Variants in LRRC4C observed in about 807,000 individuals in gnomAD.
The protein encoded by LRRC4C is leucine rich repeat containing 4C.
LRRC4C carries 5 observed loss-of-function variants against 33.6 expected under a neutral mutation model. The observed-to-expected ratio is 0.15, with a 90% CI of 0.08 to 0.31. The LOEUF (loss-of-function observed/expected upper bound fraction) is 0.31. Ranked by LOEUF, LRRC4C falls within the 10% of genes least tolerant of loss-of-function variation. The probability of loss-of-function intolerance (pLI) is 1.00; values close to 1 mark genes in which losing one functional copy is unlikely to be tolerated. For missense variants in LRRC4C, 560 were observed against 796.7 expected (o/e 0.70, Z 3.58); for synonymous variants, 329 against 302.0 (o/e 1.09, Z -0.93).
At chr11:40,724,360 A>T (rs145319261) in intron 2 of LRRC4C, among the ~76,000 whole-genome samples, 1 of 152,296 alleles carries the variant, frequency 6.6e-6, no homozygotes, top group East Asian at 1.9e-4. Flanking sequence ...GCTTGGTGAT[A>T]AAGCAAGTCT....
intron 1 of LRRC4C, among the ~76,000 whole-genome samples, chr11:41,121,641 T>C (rs193295368): frequency 6.6e-6 from 1 of 152,310 alleles, no homozygotes; most frequent in East Asian, 1.9e-4. Context: ...GTGTTTATAA[T>C]GAGGCTCTTC....
chr11:40,856,016 TA>T (rs1327338682), intron 2 of LRRC4C, among the ~76,000 whole-genome samples: 1 of 152,140 alleles, frequency 6.6e-6, no homozygotes, highest in African/African-American at 2.4e-5. Context: ...AGTTTTATCT[TA>T]ATTTTTTACT....
intron 3 of LRRC4C, among the ~76,000 whole-genome samples, chr11:40,571,489 A>G (rs1402595472): frequency 6.6e-6 from 1 of 152,126 alleles, no homozygotes; most frequent in African/African-American, 2.4e-5. Flanking sequence ...ATATAGCTGG[A>G]CAAGATAAGG....
intron 1 of LRRC4C, among the ~76,000 whole-genome samples, chr11:40,974,789 G>C (rs960404454): frequency 1.3e-5 from 2 of 152,138 alleles, no homozygotes; most frequent in African/African-American, 4.8e-5. Context: ...GGATAGAAGA[G>C]AAAAAGAGAG....
chr11:40,159,154 A>T (rs985677816), intron 5 of LRRC4C, among the ~76,000 whole-genome samples: 4 of 152,114 alleles, frequency 2.6e-5, no homozygotes, highest in African/African-American at 9.7e-5. Flanking sequence ...CAAAGAGTCT[A>T]AAATATTTCT....
chr11:40,699,212 A>G (rs555240942), intron 2 of LRRC4C, among the ~76,000 whole-genome samples: 1 of 152,196 alleles, frequency 6.6e-6, no homozygotes, highest in Admixed American at 6.5e-5. Flanking sequence ...ATTATAAGGA[A>G]TATGTAGCGA....
At chr11:40,710,007 C>T (rs115596045) in intron 2 of LRRC4C, among the ~76,000 whole-genome samples, 2,307 of 152,228 alleles carry the variant, frequency 0.015, 61 homozygotes, top group African/African-American at 0.053. Context: ...GCATGCATCA[C>T]GTACTTCCCA....
At chr11:40,604,327 C>T (rs1591250781) in intron 3 of LRRC4C, among the ~76,000 whole-genome samples, 1 of 152,122 alleles carries the variant, frequency 6.6e-6, no homozygotes, top group East Asian at 1.9e-4. Context: ...TTCTGTATTA[C>T]TTTAAATGAT....
chr11:40,642,231 C>G (rs1354445431), intron 3 of LRRC4C, among the ~76,000 whole-genome samples: 1 of 152,072 alleles, frequency 6.6e-6, no homozygotes, highest in Non-Finnish European at 1.5e-5. Flanking sequence ...TGATGTTTGT[C>G]TTTCTTCTGC....
intron 2 of LRRC4C, among the ~76,000 whole-genome samples, chr11:40,845,786 C>T (rs554233516): frequency 9.9e-5 from 15 of 152,178 alleles, no homozygotes; most frequent in African/African-American, 1.4e-4. Context: ...AACTAATTTA[C>T]GCTACCATCA....
At chr11:41,129,294 C>G (rs1021354676) in intron 1 of LRRC4C, among the ~76,000 whole-genome samples, 15 of 151,928 alleles carry the variant, frequency 9.9e-5, no homozygotes, top group Non-Finnish European at 5.9e-5. Flanking sequence ...TAAATGTTCT[C>G]TGGGCTACCA....
chr11:41,321,052 T>C (rs1404366893), intron 1 of LRRC4C, among the ~76,000 whole-genome samples: 1 of 152,228 alleles, frequency 6.6e-6, no homozygotes, highest in Non-Finnish European at 1.5e-5. Flanking sequence ...ATTTCCCTGC[T>C]TCTTCTTCTG....
At chr11:41,409,742 T>C (rs1017944206) in intron 1 of LRRC4C, among the ~76,000 whole-genome samples, 3 of 152,314 alleles carry the variant, frequency 2.0e-5, no homozygotes, top group Non-Finnish European at 4.4e-5. Context: ...AAGATTGCTC[T>C]AATTTTCTTA....
At chr11:40,591,348 G>A (rs956747755) in intron 3 of LRRC4C, among the ~76,000 whole-genome samples, 1 of 152,154 alleles carries the variant, frequency 6.6e-6, no homozygotes, top group East Asian at 1.9e-4. Flanking sequence ...GGTGCACGGT[G>A]CACGGACCCA....
At chr11:41,318,854 C>T (rs991724152) in intron 1 of LRRC4C, among the ~76,000 whole-genome samples, 1 of 152,202 alleles carries the variant, frequency 6.6e-6, no homozygotes, top group Admixed American at 6.5e-5. Flanking sequence ...CACACAACTT[C>T]ACATTGTAGC....
At chr11:40,486,108 T>C (rs1953850437) in intron 3 of LRRC4C, among the ~76,000 whole-genome samples, 1 of 150,542 alleles carries the variant, frequency 6.6e-6, no homozygotes, top group African/African-American at 2.4e-5. Flanking sequence ...CAAGTTTACC[T>C]GTGTAACAAA....
chr11:41,283,397 T>A (rs1949729160), intron 1 of LRRC4C, among the ~76,000 whole-genome samples: 1 of 152,220 alleles, frequency 6.6e-6, no homozygotes, highest in African/African-American at 2.4e-5. Context: ...AGGTGGTGAA[T>A]AATGCATGGA....
intron 2 of LRRC4C, among the ~76,000 whole-genome samples, chr11:40,855,087 C>A (rs970241912): frequency 2.6e-5 from 4 of 152,116 alleles, no homozygotes; most frequent in Non-Finnish European, 5.9e-5. Context: ...CAGAATAAAA[C>A]CCATAATCCA....
At position 40,328,395 on chromosome 11, in the gene LRRC4C, C is replaced by T. The variant is rs371018838; in HGVS notation, c.-269-8674G>A. 3.5e-3 allele frequency among the ~76,000 whole-genome samples: 533 copies of T among 152,270 alleles called. 2 individuals carry two copies. The highest frequency in any genetic ancestry group is 0.01 in the Middle Eastern group (3 of 294). On this transcript the variant is annotated intron_variant, in intron 3 of 6. Coordinates refer to ENST00000528697, the MANE Select transcript of LRRC4C (RefSeq NM_001258419.2). Reference sequence around the variant, plus strand: ...TCAAGAGATGAATTGCCTAAAAGAACATATTCACATCATTATCAGTTCAAT... The same window carrying T: ...TCAAGAGATGAATTGCCTAAAAGAATATATTCACATCATTATCAGTTCAAT...
Sources: allele counts gnomAD v4.1 joint callset (sites outside exome capture counted in the v4.1 genomes callset), GRCh38; gene constraint gnomAD v4.1.1; transcripts MANE v1.5; gene names NCBI Gene and HGNC (gene_info 2026-07-23, HGNC 2026-07-21).